Variants in KLHL1 observed in about 807,000 individuals in gnomAD.
KLHL1 encodes kelch like family member 1.
Under a neutral mutation model 77.7 loss-of-function variants are expected in KLHL1, and 47 were observed. The ratio of observed to expected loss-of-function variants is 0.60; its 90% CI spans 0.48 to 0.77. The LOEUF is 0.77. KLHL1 is among the 30% of genes least tolerant of loss of function. The pLI is 0.00. For synonymous variants in KLHL1, 360 were observed against 325.2 expected (o/e 1.11, Z -1.15); for missense variants, 925 against 910.8 (o/e 1.02, Z -0.20).
At chr13:70,058,366 T>C (rs1297815971) in intron 1 of KLHL1, among the ~76,000 whole-genome samples, 2 of 152,286 alleles carry the variant, frequency 1.3e-5, no homozygotes, top group Non-Finnish European at 2.9e-5. Context: ...TTATAATTGA[T>C]AAATTCAGTA....
chr13:69,853,778 G>T (rs1297740159), intron 5 of KLHL1, among the ~76,000 whole-genome samples: 1 of 151,968 alleles, frequency 6.6e-6, no homozygotes, highest in African/African-American at 2.4e-5. Context: ...ACTGGATAAG[G>T]TATGTTGTTT....
At position 69,915,774 on chromosome 13, in the gene KLHL1, A is replaced by T. The variant is rs574671167; in HGVS notation, c.1014+24266T>A. ...TAATTAAACTGAAGAGCTTCTGCAC[A>T]GCAAAAGAAACTACCATCAGAGTGA... is the stretch of plus-strand genomic sequence containing the variant. On this transcript the variant is annotated intron_variant, in intron 4 of 10. Transcript: ENST00000377844. 5.9e-3 allele frequency among the ~76,000 whole-genome samples: 901 copies of T among 152,206 alleles called. 10 individuals carry two copies. Among genetic ancestry groups the T allele is most frequent in the African/African-American group, 0.02 (842 of 41,468 alleles).
chr13:69,764,468 G>A (rs893196507), intron 7 of KLHL1, among the ~76,000 whole-genome samples: 21 of 151,998 alleles, frequency 1.4e-4, no homozygotes, highest in Non-Finnish European at 2.2e-4. Context: ...TTATTGATTT[G>A]TACTCAGTAG....
chr13:70,107,331 C>T lies in KLHL1; in HGVS notation c.369G>A (p.Glu123=). The part of the protein sequence containing the change: ...QQPARTLFYV[E]SLEEEVVPGM... Reference sequence around the variant, plus strand: ...CTGGCACCACCTCCTCCTCTAGTGACTCCACGTAGAAGAGAGTCCTGGCTG... The same window carrying T: ...CTGGCACCACCTCCTCCTCTAGTGATTCCACGTAGAAGAGAGTCCTGGCTG... The change falls in exon 1 of 11, where the codon GAG becomes GAA. Residue 123 remains glutamate, a synonymous_variant. Transcript: ENST00000377844. 3 of 1,614,166 alleles carry T rather than the reference C, an allele frequency of 1.9e-6. No individual in the cohort carries two copies. Among genetic ancestry groups the T allele is most frequent in the Non-Finnish European group, 2.5e-6 (3 of 1,180,018 alleles).
At chr13:70,029,181 A>G (rs1886029414) in intron 1 of KLHL1, among the ~76,000 whole-genome samples, 1 of 151,998 alleles carries the variant, frequency 6.6e-6, no homozygotes, top group Admixed American at 6.6e-5. Flanking sequence ...CAAAGTGGAG[A>G]CTATTGTGAG....
In KLHL1 at chr13:69,700,733, C is replaced by A. The variant is rs1875352112; in HGVS notation, c.*969G>T. ...TAAAATAATGTACAGATCAATGTAA[C>A]AAGTTTGAAAAATGGGCGATGAGAA... On this transcript the variant is annotated 3_prime_UTR_variant, in exon 11 of 11. Transcript: ENST00000377844. 1 of 152,298 alleles carries A rather than the reference C, an allele frequency of 6.6e-6. No individual in the cohort carries two copies. 9.4% of individuals were successfully genotyped at this position (152,298 alleles called of 1,614,324 possible). A position where few individuals can be genotyped will look rare whatever the true frequency, so the allele number is the denominator to read the frequency against.
chr13:69,747,737 T>C (rs187568542), intron 7 of KLHL1, among the ~76,000 whole-genome samples: 13 of 152,052 alleles, frequency 8.5e-5, no homozygotes, highest in African/African-American at 3.1e-4. Flanking sequence ...AGCATGACAA[T>C]ATCAAATGTT....
chr13:69,864,743 A>G (rs1178373595), intron 5 of KLHL1, among the ~76,000 whole-genome samples: 3 of 152,130 alleles, frequency 2.0e-5, no homozygotes, highest in African/African-American at 7.2e-5. Context: ...TAAATGCCCA[A>G]TGTATGCCAA....
chr13:70,009,378 G>A (rs943278570), intron 1 of KLHL1, among the ~76,000 whole-genome samples: 1 of 152,092 alleles, frequency 6.6e-6, no homozygotes, highest in Non-Finnish European at 1.5e-5. Context: ...TAGGTAAAGG[G>A]CAGGGAAGAC....
intron 1 of KLHL1, among the ~76,000 whole-genome samples, chr13:69,989,126 T>C (rs1884954152): frequency 2.6e-5 from 4 of 152,148 alleles, no homozygotes; most frequent in Admixed American, 2.6e-4. Flanking sequence ...TGTCTTGAAA[T>C]GATTTTTGTA....
chr13:69,925,146 A>G (rs1205196883), intron 4 of KLHL1, among the ~76,000 whole-genome samples: 2 of 152,188 alleles, frequency 1.3e-5, no homozygotes, highest in Non-Finnish European at 2.9e-5. Flanking sequence ...AGAGGTTTTC[A>G]GCTGGTGAAG....
Position 69,796,903 on chromosome 13 carries a change from T to C in KLHL1, c.1474A>G (p.Met492Val). The change falls in exon 7 of 11, where the codon ATG becomes GTG. Residue 492 changes from methionine to valine, a missense_variant. Met to Val is a conservative substitution (Grantham distance 21, BLOSUM62 1). Coordinates refer to ENST00000377844, the MANE Select transcript of KLHL1 (RefSeq NM_020866.3). ...RTNLWIQAGM[M>V]NGRRLQFGVA... ...CCAAACTGCAGCCTTCTGCCATTCA[T>C]CATCCCTGCCTGGATCCACAGATTT... The C allele has an allele frequency of 1.9e-6, 3 of 1,614,172 alleles. No homozygotes were observed. The highest frequency in any genetic ancestry group is 2.5e-6 in the Non-Finnish European group (3 of 1,180,024).
intron 1 of KLHL1, 27 bp from the exon 2 acceptor site, chr13:69,975,829 C>T (rs753185251): frequency 1.3e-6 from 2 of 1,528,408 alleles, no homozygotes; most frequent in Admixed American, 4.8e-5. Flanking sequence ...CACACACACA[C>T]ACACAAAATA....
intron 1 of KLHL1, among the ~76,000 whole-genome samples, chr13:70,093,609 T>A (rs983272649): frequency 6.6e-6 from 1 of 152,186 alleles, no homozygotes; most frequent in Admixed American, 6.5e-5. Context: ...TTTTGACACA[T>A]AAATTGTGTA....
In KLHL1 at chr13:69,701,772, AG is replaced by A. The variant is rs747903261; in HGVS notation, c.2188-12del. The A allele has an allele frequency of 5.6e-6, 9 of 1,596,236 alleles. No homozygotes were observed. In the East Asian group the frequency reaches 2.0e-4, roughly 36 times the overall value. ...ATTCAAGGAAGCCATCTGTTAAAAA[AG>A]ATGAAACACAACTTAAGACAAGTTT... On this transcript the variant is annotated splice_polypyrimidine_tract_variant and intron_variant, in intron 10 of 10. Transcript: ENST00000377844.
intron 4 of KLHL1, among the ~76,000 whole-genome samples, chr13:69,933,934 A>G (rs1883087860): frequency 1.3e-5 from 2 of 152,130 alleles, no homozygotes; most frequent in South Asian, 4.1e-4. Flanking sequence ...TATTATGGGC[A>G]ATATGTAATC....
At chr13:69,702,580 C>T (rs918432544) in intron 10 of KLHL1, among the ~76,000 whole-genome samples, 7 of 151,468 alleles carry the variant, frequency 4.6e-5, no homozygotes, top group African/African-American at 1.2e-4. Context: ...GACAAAGTAG[C>T]CTCAAATCAC....
intron 1 of KLHL1, among the ~76,000 whole-genome samples, chr13:70,024,077 A>G (rs776639021): frequency 3.3e-5 from 5 of 152,032 alleles, no homozygotes; most frequent in Non-Finnish European, 2.9e-5. Flanking sequence ...GATTGTTGAT[A>G]TGTTTTACGA....
intron 4 of KLHL1, among the ~76,000 whole-genome samples, chr13:69,926,331 A>T (rs1353744677): frequency 6.6e-6 from 1 of 152,160 alleles, no homozygotes; most frequent in African/African-American, 2.4e-5. Flanking sequence ...AAATGCCATG[A>T]CTTTAAAAAA....
Sources: allele counts gnomAD v4.1 joint callset (sites outside exome capture counted in the v4.1 genomes callset), GRCh38; gene constraint gnomAD v4.1.1; transcripts MANE v1.5; gene names NCBI Gene and HGNC (gene_info 2026-07-23, HGNC 2026-07-21).